Variants in GULP1 observed in about 807,000 individuals in gnomAD.
GULP1 encodes the protein PTB domain-containing engulfment adapter protein 1.
Under a neutral mutation model 40.9 loss-of-function variants are expected in GULP1, and 19 were observed. The observed-to-expected ratio is 0.46, with a 90% CI of 0.32 to 0.68. GULP1 has a LOEUF of 0.68. GULP1 is among the 30% of genes least tolerant of loss of function. GULP1 has a pLI of 0.03. For missense variants in GULP1, 312 were observed against 362.2 expected, an observed-to-expected ratio of 0.86 and a Z score of 1.12; for synonymous variants, 119 against 117.6, an observed-to-expected ratio of 1.01 and a Z score of -0.08.
At chr2:188,405,368 C>T (rs2052924228) in intron 2 of GULP1, among the ~76,000 whole-genome samples, 1 of 152,134 alleles carries the variant, frequency 6.6e-6, no homozygotes, top group Admixed American at 6.5e-5. Context: ...GTTCCCATGG[C>T]ATCAGGCTTT....
At chr2:188,390,856 C>T (rs2050423321) in intron 2 of GULP1, among the ~76,000 whole-genome samples, 1 of 151,886 alleles carries the variant, frequency 6.6e-6, no homozygotes. Flanking sequence ...TTTCCCAGAA[C>T]CATTTATTAA....
At chr2:188,416,349 A>C (rs2054578783) in intron 2 of GULP1, among the ~76,000 whole-genome samples, 1 of 152,186 alleles carries the variant, frequency 6.6e-6, no homozygotes, top group Non-Finnish European at 1.5e-5. Context: ...CTTTGTAAGT[A>C]TTCTAAAAAT....
intron 4 of GULP1, among the ~76,000 whole-genome samples, chr2:188,497,890 A>G (rs2063057629): frequency 6.6e-6 from 1 of 151,990 alleles, no homozygotes; most frequent in African/African-American, 2.4e-5. Context: ...TGTTAGTCAC[A>G]CAGAAGCCAT....
At chr2:188,356,041 A>G (rs1298183544) in intron 1 of GULP1, among the ~76,000 whole-genome samples, 1 of 152,108 alleles carries the variant, frequency 6.6e-6, no homozygotes, top group African/African-American at 2.4e-5. Flanking sequence ...GCCTCAACAT[A>G]ATAAAAGCCA....
intron 6 of GULP1, among the ~76,000 whole-genome samples, chr2:188,534,389 C>T (rs1688373817): frequency 6.6e-6 from 1 of 152,064 alleles, no homozygotes; most frequent in Non-Finnish European, 1.5e-5. Flanking sequence ...AATGCAGAAA[C>T]AGAAAACCAT....
At chr2:188,350,260 T>C (rs1220290919) in intron 1 of GULP1, among the ~76,000 whole-genome samples, 2 of 152,118 alleles carry the variant, frequency 1.3e-5, no homozygotes, top group Non-Finnish European at 2.9e-5. Flanking sequence ...TTGATAAGGA[T>C]TGCATTAGAT....
chr2:188,355,233 G>T (rs2045119165), intron 1 of GULP1, among the ~76,000 whole-genome samples: 1 of 151,832 alleles, frequency 6.6e-6, no homozygotes, highest in Non-Finnish European at 1.5e-5. Context: ...AAAGATCAAT[G>T]AAATGGAAAG....
intron 2 of GULP1, among the ~76,000 whole-genome samples, chr2:188,425,995 A>C (rs954324428): frequency 3.9e-5 from 6 of 152,186 alleles, no homozygotes; most frequent in African/African-American, 1.2e-4. Context: ...ATTGTTACAC[A>C]GTCTCAGGAA....
At chr2:188,299,765 T>C (rs2035797850) in intron 1 of GULP1, among the ~76,000 whole-genome samples, 1 of 152,082 alleles carries the variant, frequency 6.6e-6, no homozygotes, top group African/African-American at 2.4e-5. Context: ...TATTCACCAG[T>C]GTGAAGGGAA....
At chr2:188,483,568 C>T (rs2153062371) in intron 4 of GULP1, 76 bp downstream of exon 4, 1 of 565,430 alleles carries the variant, frequency 1.8e-6, no homozygotes, top group Non-Finnish European at 3.1e-6. Context: ...TCTCAGATTG[C>T]TTATGTATTG....
intron 2 of GULP1, among the ~76,000 whole-genome samples, chr2:188,407,917 T>A (rs2053339000): frequency 6.6e-6 from 1 of 152,146 alleles, no homozygotes; most frequent in African/African-American, 2.4e-5. Context: ...AATTTTTAAG[T>A]ACACACACAG....
chr2:188,357,922 T>A (rs376442137), intron 1 of GULP1, among the ~76,000 whole-genome samples: 33 of 152,308 alleles, frequency 2.2e-4, no homozygotes, highest in African/African-American at 7.5e-4. Flanking sequence ...CTCACACCTG[T>A]AATTCCAGCA....
intron 2 of GULP1, among the ~76,000 whole-genome samples, chr2:188,399,576 AG>A (rs1231302108): frequency 2.6e-5 from 4 of 151,352 alleles, no homozygotes; most frequent in Admixed American, 1.3e-4. Flanking sequence ...CAAACTGTCC[AG>A]GTGCAGTGGC....
At chr2:188,506,751 A>C (rs1330387215) in intron 4 of GULP1, among the ~76,000 whole-genome samples, 1 of 152,044 alleles carries the variant, frequency 6.6e-6, no homozygotes, top group Non-Finnish European at 1.5e-5. Flanking sequence ...TTATTCAGTA[A>C]GTAGTCAGTC....
At chr2:188,399,013 T>G (rs76250445) in intron 2 of GULP1, among the ~76,000 whole-genome samples, 4,560 of 152,308 alleles carry the variant, frequency 0.03, 250 homozygotes, top group African/African-American at 0.1. Flanking sequence ...ACTAGAAACT[T>G]TTTGATCAGG....
chr2:188,568,291 G>A (rs1172199376), intron 7 of GULP1, among the ~76,000 whole-genome samples: 1 of 152,078 alleles, frequency 6.6e-6, no homozygotes, highest in Non-Finnish European at 1.5e-5. Context: ...CTTGTTATCT[G>A]GAGGTCTTAC....
intron 2 of GULP1, among the ~76,000 whole-genome samples, chr2:188,385,186 C>A (rs1352720372): frequency 6.6e-6 from 1 of 152,162 alleles, no homozygotes; most frequent in Non-Finnish European, 1.5e-5. Context: ...GCCTGGACAT[C>A]CAGGCATTTC....
intron 2 of GULP1, among the ~76,000 whole-genome samples, chr2:188,438,650 C>T (rs2057649057): frequency 6.7e-6 from 1 of 148,756 alleles, no homozygotes; most frequent in African/African-American, 2.5e-5. Flanking sequence ...TATATGTCTG[C>T]CACATAGAAT....
chr2:188,514,615 A>G (rs978752844), intron 4 of GULP1, among the ~76,000 whole-genome samples: 3 of 152,192 alleles, frequency 2.0e-5, no homozygotes, highest in Admixed American at 6.5e-5. Flanking sequence ...CTGAAACATT[A>G]TACTCCTTTT....
Sources: allele counts gnomAD v4.1 joint callset (sites outside exome capture counted in the v4.1 genomes callset), GRCh38; gene constraint gnomAD v4.1.1; transcripts MANE v1.5; gene names NCBI Gene and HGNC (gene_info 2026-07-23, HGNC 2026-07-21).